Variants in UIMC1 observed in about 807,000 individuals in gnomAD.
UIMC1 encodes BRCA1-A complex subunit RAP80.
In UIMC1, 42 loss-of-function variants were observed where a neutral mutation model predicts 84.9. That is an observed-to-expected ratio of 0.49 (90% CI 0.39 to 0.64). UIMC1 has a LOEUF of 0.64. Among genes scored for constraint, UIMC1 ranks in the 30% least tolerant of loss-of-function variants. The probability of loss-of-function intolerance (pLI) is 0.00; values close to 1 mark genes in which losing one functional copy is unlikely to be tolerated. For synonymous variants in UIMC1, 281 were observed against 293.0 expected, an observed-to-expected ratio of 0.96 and a Z score of 0.42; for missense variants, 825 against 847.6, an observed-to-expected ratio of 0.97 and a Z score of 0.33.
intron 10 of UIMC1, among the ~76,000 whole-genome samples, chr5:176,922,432 C>A (rs577694503): frequency 2.7e-4 from 41 of 152,218 alleles, no homozygotes; most frequent in Non-Finnish European, 5.1e-4. Flanking sequence ...CTCATCTTGA[C>A]CAGTCACAAG....
chr5:176,978,561 G>A (rs761779662), intron 2 of UIMC1, among the ~76,000 whole-genome samples: 12 of 150,928 alleles, frequency 8.0e-5, no homozygotes, highest in Non-Finnish European at 1.0e-4. Flanking sequence ...AGGCCATAGC[G>A]CCCCCCAAAA....
chr5:176,928,706 C>T (rs1762697135), intron 10 of UIMC1, among the ~76,000 whole-genome samples: 1 of 152,178 alleles, frequency 6.6e-6, no homozygotes, highest in Admixed American at 6.5e-5. Flanking sequence ...AATCCCAGCA[C>T]TTTGGGAGGC....
At chr5:176,949,101 T>G (rs1468527960) in intron 9 of UIMC1, among the ~76,000 whole-genome samples, 1 of 151,698 alleles carries the variant, frequency 6.6e-6, no homozygotes, top group African/African-American at 2.4e-5. Context: ...TTAAAAAAAT[T>G]TATTTATTTA....
At chr5:176,919,230 G>A (rs1225613896) in intron 10 of UIMC1, 1 of 373,558 alleles carries the variant, frequency 2.7e-6, no homozygotes, top group South Asian at 2.0e-5. Flanking sequence ...AGCGAGCCAA[G>A]GTTCCACTAC....
At chr5:176,954,629 G>A (rs905499426) in intron 8 of UIMC1, among the ~76,000 whole-genome samples, 5 of 151,568 alleles carry the variant, frequency 3.3e-5, no homozygotes, top group South Asian at 2.1e-4. Context: ...GCACATGCCT[G>A]TAGTCCTAGC....
chr5:176,979,805 T>C (rs943985325), intron 2 of UIMC1, among the ~76,000 whole-genome samples: 2 of 152,100 alleles, frequency 1.3e-5, no homozygotes, highest in African/African-American at 2.4e-5. Context: ...AATACTATAA[T>C]GGTTAATTTT....
chr5:176,963,263 G>A (rs1767810696), intron 6 of UIMC1, among the ~76,000 whole-genome samples: 1 of 150,868 alleles, frequency 6.6e-6, no homozygotes, highest in South Asian at 2.1e-4. Context: ...GCTCACATCT[G>A]TAACCCCAGA....
At chr5:176,989,195 A>T (rs918920186) in intron 1 of UIMC1, among the ~76,000 whole-genome samples, 12 of 151,588 alleles carry the variant, frequency 7.9e-5, no homozygotes, top group African/African-American at 2.4e-4. Context: ...AAGTTTTTCT[A>T]AAAAAAACAC....
At chr5:176,986,971 GC>G (rs1772119329) in intron 1 of UIMC1, among the ~76,000 whole-genome samples, 1 of 152,192 alleles carries the variant, frequency 6.6e-6, no homozygotes, top group African/African-American at 2.4e-5. Context: ...TGTAATCCCA[GC>G]ACTTCAGGAG....
intron 1 of UIMC1, among the ~76,000 whole-genome samples, chr5:176,991,324 C>CTTACTCTACCTTT (rs1285950815): frequency 6.6e-6 from 1 of 151,834 alleles, no homozygotes; most frequent in Non-Finnish European, 1.5e-5. Context: ...TTTAATTCAC[C>CTTACTCTACCTTT]TTACTCTACC....
At chr5:176,983,765 C>T (rs149274628) in intron 1 of UIMC1, among the ~76,000 whole-genome samples, 4,890 of 151,614 alleles carry the variant, frequency 0.032, 272 homozygotes, top group African/African-American at 0.11. Context: ...TCTACCCGGC[C>T]GCCACCCCGT....
chr5:176,939,055 C>A (rs936902031), intron 10 of UIMC1, among the ~76,000 whole-genome samples: 1 of 151,582 alleles, frequency 6.6e-6, no homozygotes, highest in Admixed American at 6.6e-5. Flanking sequence ...GAGTTCAAGA[C>A]CAGCCTGGGC....
chr5:176,953,237 T>C (rs1245927208), intron 8 of UIMC1, among the ~76,000 whole-genome samples: 1 of 152,108 alleles, frequency 6.6e-6, no homozygotes, highest in Non-Finnish European at 1.5e-5. Context: ...GTCTAGAGCA[T>C]TTTGTTACAG....
At chr5:176,960,561 T>G in intron 6 of UIMC1, among the ~76,000 whole-genome samples, 1 of 151,708 alleles carries the variant, frequency 6.6e-6, no homozygotes, top group African/African-American at 2.4e-5. Context: ...AAGGAAGGGA[T>G]GGTTTGCATT....
chr5:176,914,157 A>T (rs984767300), intron 10 of UIMC1, among the ~76,000 whole-genome samples: 2 of 148,648 alleles, frequency 1.3e-5, no homozygotes, highest in African/African-American at 5.0e-5. Context: ...GTTGCTGGGT[A>T]TTTTTTTTTT....
upstream of UIMC1, among the ~76,000 whole-genome samples, chr5:177,008,995 T>A (rs1775487244): frequency 6.6e-6 from 1 of 151,696 alleles, no homozygotes; most frequent in African/African-American, 2.4e-5. Flanking sequence ...CTATGAAAAC[T>A]ATGTTTATGG....
chr5:176,956,374 T>C (rs1400298631), intron 7 of UIMC1, among the ~76,000 whole-genome samples: 1 of 152,208 alleles, frequency 6.6e-6, no homozygotes, highest in Non-Finnish European at 1.5e-5. Context: ...AAAGGTGTTT[T>C]ATAGCCTCCA....
chr5:176,995,880 A>ACATC (rs1261464367), intron 1 of UIMC1, among the ~76,000 whole-genome samples: 4 of 151,426 alleles, frequency 2.6e-5, no homozygotes, highest in African/African-American at 9.7e-5. Context: ...ATAAAGTGGT[A>ACATC]CATCCACTTT....
chr5:176,975,252 C>T lies in UIMC1; in HGVS notation c.232+144G>A, dbSNP rs1769881014. On this transcript the variant is annotated intron_variant, in intron 3 of 14. Transcript: ENST00000511320. ...AAAGTTATTGTTCCAATCCTTACAA[C>T]AATAGCAACAAAAACTGATAAATTC... The T allele has an allele frequency of 4.0e-6, 3 of 745,802 alleles. No homozygotes were observed. The African/African-American group carries it at 5.5e-5, about 14-fold the overall frequency. 46.2% of individuals were successfully genotyped at this position (745,802 alleles called of 1,614,324 possible).
Sources: allele counts gnomAD v4.1 joint callset (sites outside exome capture counted in the v4.1 genomes callset), GRCh38; gene constraint gnomAD v4.1.1; transcripts MANE v1.5; gene names NCBI Gene and HGNC (gene_info 2026-07-23, HGNC 2026-07-21).